The following USP53 variants were observed in gnomAD, a reference collection of about 807,000 sequenced individuals.
The protein encoded by USP53 is ubiquitin carboxyl-terminal hydrolase 53.
USP53 carries 71 observed loss-of-function variants against 94.9 expected under a neutral mutation model. The observed-to-expected ratio is 0.75, with a 90% CI of 0.62 to 0.91. The LOEUF is 0.91. USP53 is among the 40% of genes least tolerant of loss of function. The pLI is 0.00. For synonymous variants in USP53, 375 were observed against 422.7 expected (o/e 0.89, Z 1.39); for missense variants, 1,173 against 1,281.0 (o/e 0.92, Z 1.29).
At chr4:119,266,317 G>C in intron 12 of USP53, 1 of 456,132 alleles carries the variant, frequency 2.2e-6, no homozygotes, top group Non-Finnish European at 4.4e-6. Context: ...CTTGAAGTGG[G>C]ATTTCTGGGT....
chr4:119,244,204 A>G (rs1199475732), intron 5 of USP53, among the ~76,000 whole-genome samples: 2 of 152,246 alleles, frequency 1.3e-5, no homozygotes, highest in Non-Finnish European at 2.9e-5. Context: ...TACTCAAGAA[A>G]GTTATTAAAC....
At chr4:119,264,703 G>T (rs1412064435) in intron 12 of USP53, among the ~76,000 whole-genome samples, 3 of 152,156 alleles carry the variant, frequency 2.0e-5, no homozygotes, top group Non-Finnish European at 4.4e-5. Flanking sequence ...GGAACAGCTG[G>T]ATCTCTCACA....
rs1743032552 is a variant in USP53 at position 119,212,786 on chromosome 4, C to T, written c.-1029C>T. The T allele has an allele frequency of 3.3e-6, 1 of 305,618 alleles. No homozygotes were observed. The highest frequency in any genetic ancestry group is 6.6e-6 in the Non-Finnish European group (1 of 150,980). 18.9% of individuals were successfully genotyped at this position (305,618 alleles called of 1,614,324 possible). On this transcript the variant is annotated 5_prime_UTR_variant, in exon 1 of 19. Coordinates refer to ENST00000692078, the MANE Select transcript of USP53 (RefSeq NM_001371395.1). ...GGTGTCGGCGTGAAGCGGGGCTGGG[C>T]CAGCGGGAGGTAGCTCTGTGGGAGT...
rs759522802 is a variant in USP53, at chr4:119,271,276, C to G, written c.1436-20C>G. Reference sequence around the variant, plus strand: ...GCTCTGAGGAGTAATTCATGTGTATCTTTAATTTTTTTTTTTAAGATTTGG... The same window carrying G: ...GCTCTGAGGAGTAATTCATGTGTATGTTTAATTTTTTTTTTTAAGATTTGG... On this transcript the variant is annotated intron_variant, in intron 15 of 18. Coordinates refer to ENST00000692078, the MANE Select transcript of USP53 (RefSeq NM_001371395.1). The G allele has an allele frequency of 6.5e-7, 1 of 1,526,948 alleles. No individual in the cohort carries two copies. Among genetic ancestry groups the G allele is most frequent in the Non-Finnish European group, 8.7e-7 (1 of 1,143,304 alleles). The allele number at this position is 1,526,948 out of a possible 1,614,324, so 94.6% of individuals were successfully genotyped here. A position where few individuals can be genotyped will look rare whatever the true frequency, so the allele number is the denominator to read the frequency against.
rs1743026105 is a variant in USP53 at position 119,212,747 on chromosome 4, C to T, written c.-1068C>T. The T allele has an allele frequency of 3.1e-6, 1 of 325,340 alleles. No individual in the cohort carries two copies. The highest frequency in any genetic ancestry group is 2.2e-5 in the African/African-American group (1 of 46,370). 20.2% of individuals were successfully genotyped at this position (325,340 alleles called of 1,614,324 possible). On this transcript the variant is annotated 5_prime_UTR_variant, in exon 1 of 19. Transcript: ENST00000692078. The stretch of plus-strand genomic sequence containing the variant: ...TGAGCCTCGGTACTGTGGCAGCAGT[C>T]AGTGTGTCTGGCGGGTGTCGGCGTG...
rs1367000085 is a variant in USP53 at position 119,269,692 on chromosome 4, T to G, written c.1290T>G (p.Ala430=). 1.4e-6 allele frequency: 2 copies of G among 1,425,060 alleles called. No individual in the cohort carries two copies. 88.3% of individuals were successfully genotyped at this position (1,425,060 alleles called of 1,614,324 possible). Residue 430 remains alanine, a splice_region_variant and synonymous_variant, in exon 15 of 19, where the codon GCT becomes GCG. Transcript: ENST00000692078. ...HSHTGVGKGP[A]KLSHIDQREK... ...TAGTAAGAATGATTTCTTTTACAGC[T>G]AAGTTAAGTCACATTGATCAAAGGG...
chr4:119,290,870 A>G (rs1754674921), intron 17 of USP53, among the ~76,000 whole-genome samples: 2 of 152,182 alleles, frequency 1.3e-5, no homozygotes, highest in South Asian at 4.1e-4. Context: ...ATCTTGTCTT[A>G]AGTAACAGGG....
chr4:119,250,336 A>T (rs929060351), intron 7 of USP53, among the ~76,000 whole-genome samples: 1 of 152,206 alleles, frequency 6.6e-6, no homozygotes, highest in Non-Finnish European at 1.5e-5. Flanking sequence ...CATTCTCTGT[A>T]GAATTTACTC....
Position 119,259,908 on chromosome 4 carries a change from G to T in USP53, c.658G>T (p.Asp220Tyr). 6.2e-7 allele frequency: 1 copy of T among 1,610,562 alleles called. No homozygotes were observed. The highest frequency in any genetic ancestry group is 1.1e-5 in the South Asian group (1 of 90,666). Residue 220 changes from aspartate (D) to tyrosine (Y), a missense_variant, in exon 10 of 19, where the codon GAC becomes TAC. By Grantham distance (160) the Asp-to-Tyr change is radical. Coordinates refer to ENST00000692078, the MANE Select transcript of USP53 (RefSeq NM_001371395.1). ...GCTACAAGCAGCAAATACAACAGAT[G>T]ACTATAGGAAATGTCCTGTAAGTAT... ...ELLQAANTTD[D>Y]YRKCPSNCGQ...
In USP53 at chr4:119,239,487, A is replaced by G. The variant is rs1176256000; in HGVS notation, c.-273A>G. ...TTCATATTAACCTTATACAGCTCCCATAAAATTTAACACATATAAACATCT... is the reference window on the plus strand; with the variant it reads ...TTCATATTAACCTTATACAGCTCCCGTAAAATTTAACACATATAAACATCT... On this transcript the variant is annotated 5_prime_UTR_variant, in exon 5 of 19. Transcript: ENST00000692078. 4.8e-6 allele frequency: 2 copies of G among 412,476 alleles called. No homozygotes were observed. The highest frequency in any genetic ancestry group is 4.1e-5 in the African/African-American group (2 of 49,250). The allele number at this position is 412,476 out of a possible 1,614,324, so 25.6% of individuals were successfully genotyped here.
At chr4:119,246,487 A>G (rs555749184) in intron 6 of USP53, among the ~76,000 whole-genome samples, 3 of 152,372 alleles carry the variant, frequency 2.0e-5, no homozygotes, top group African/African-American at 7.2e-5. Flanking sequence ...TCCAGGTCCC[A>G]GCATTCAAAC....
chr4:119,274,087 TTTTA>T (rs559482694), intron 17 of USP53, among the ~76,000 whole-genome samples: 28 of 149,696 alleles, frequency 1.9e-4, no homozygotes, highest in African/African-American at 2.4e-4. Flanking sequence ...TATTATTATT[TTTTA>T]TTTATTTATT....
chr4:119,275,022 G>A (rs1382922699), intron 17 of USP53, among the ~76,000 whole-genome samples: 6 of 55,370 alleles, frequency 1.1e-4, no homozygotes, highest in East Asian at 1.1e-3. Context: ...AGTAGGTTGC[G>A]AAAATTTTCT....
intron 5 of USP53, among the ~76,000 whole-genome samples, chr4:119,242,601 A>T (rs7692328): frequency 0.046 from 6,995 of 151,782 alleles, 221 homozygotes; most frequent in Middle Eastern, 0.086. Flanking sequence ...CCTGATGTTA[A>T]CTCTCTGTGC....
intron 15 of USP53, 150 bp from the exon 16 acceptor site, chr4:119,271,145 CT>C: frequency 7.8e-7 from 1 of 1,275,006 alleles, no homozygotes; most frequent in African/African-American, 1.5e-5. Flanking sequence ...TGGAAAATCA[CT>C]TTTTAATCTC....
Position 119,293,290 on chromosome 4 carries a change from T to G in USP53, c.*79T>G. 1 of 1,454,296 alleles carries G rather than the reference T, an allele frequency of 6.9e-7. No individual in the cohort carries two copies. Among genetic ancestry groups the G allele is most frequent in the Non-Finnish European group, 9.1e-7 (1 of 1,097,372 alleles). 90.1% of individuals were successfully genotyped at this position (1,454,296 alleles called of 1,614,324 possible). ...TCTGAACAAAGATATAAACCTAGCATACATTGTAATAGATAACTGGTAAAA... is the reference window on the plus strand; with the variant it reads ...TCTGAACAAAGATATAAACCTAGCAGACATTGTAATAGATAACTGGTAAAA... On this transcript the variant is annotated 3_prime_UTR_variant, in exon 19 of 19. Coordinates refer to ENST00000692078, the MANE Select transcript of USP53 (RefSeq NM_001371395.1).
At position 119,293,102 on chromosome 4, in the gene USP53, A is replaced by G. The variant is rs190364619; in HGVS notation, c.3113A>G (p.Tyr1038Cys). The change falls in exon 19 of 19, where the codon TAT (tyrosine) becomes TGT (cysteine). Residue 1038 changes from tyrosine to cysteine, a missense_variant. Physicochemically the swap from Tyr to Cys is radical, Grantham distance 194. Transcript: ENST00000692078. ...CPNETVSLTT[Y>C]FSVDSCMTDT... The stretch of plus-strand genomic sequence containing the variant: ...AATGAGACAGTTTCATTAACTACCT[A>G]TTTTTCAGTTGATAGCTGCATGACG... 2.7e-5 allele frequency: 44 copies of G among 1,613,926 alleles called. No individual in the cohort carries two copies. The highest frequency in any genetic ancestry group is 1.9e-4 in the African/African-American group (14 of 75,006).
chr4:119,269,856 C>T lies in USP53; in HGVS notation c.1435+19C>T, dbSNP rs376866822. Reference sequence around the variant, plus strand: ...CATAGAGGTAAGTTAAGATCTTGTACTATTGATTTTAAAAGGAACTTCTAA... The same window carrying T: ...CATAGAGGTAAGTTAAGATCTTGTATTATTGATTTTAAAAGGAACTTCTAA... On this transcript the variant is annotated intron_variant, in intron 15 of 18. Transcript: ENST00000692078. The T allele has an allele frequency of 7.5e-7, 1 of 1,335,014 alleles. No individual in the cohort carries two copies. The allele number at this position is 1,335,014 out of a possible 1,614,324, so 82.7% of individuals were successfully genotyped here. A position where few individuals can be genotyped will look rare whatever the true frequency, so the allele number is the denominator to read the frequency against.
intron 17 of USP53, among the ~76,000 whole-genome samples, chr4:119,284,306 C>A (rs62328402): frequency 1.3e-5 from 2 of 151,326 alleles, no homozygotes; most frequent in Non-Finnish European, 3.0e-5. Flanking sequence ...AAAAAAAACC[C>A]TATTATTAAA....
Sources: allele counts gnomAD v4.1 joint callset (sites outside exome capture counted in the v4.1 genomes callset), GRCh38; gene constraint gnomAD v4.1.1; transcripts MANE v1.5; gene names NCBI Gene and HGNC (gene_info 2026-07-23, HGNC 2026-07-21).